The following AAGAB variants were observed in gnomAD, a reference collection of about 807,000 sequenced individuals.
AAGAB encodes alpha- and gamma-adaptin-binding protein p34.
In AAGAB, 38 loss-of-function variants were observed where a neutral mutation model predicts 44.1. That is an observed-to-expected ratio of 0.86 (90% CI 0.67 to 1.13). The LOEUF (loss-of-function observed/expected upper bound fraction) is 1.13. Among genes scored for constraint, AAGAB ranks in the 50% most tolerant of loss-of-function variants. The probability of loss-of-function intolerance (pLI) is 0.00; values close to 1 mark genes in which losing one functional copy is unlikely to be tolerated. For missense variants in AAGAB, 450 were observed against 373.8 expected (o/e 1.20, Z -1.68); for synonymous variants, 131 against 131.8 (o/e 0.99, Z 0.04).
At chr15:67,231,029 T>C (rs1215034440) in intron 5 of AAGAB, among the ~76,000 whole-genome samples, 1 of 152,174 alleles carries the variant, frequency 6.6e-6, no homozygotes, top group Non-Finnish European at 1.5e-5. Flanking sequence ...ATTCTCTTAG[T>C]GACCCTAGAA....
At position 67,245,903 on chromosome 15, in the gene AAGAB, T is replaced by A. The variant is rs544400274; in HGVS notation, c.73+8656A>T. Among the ~76,000 whole-genome samples, 4 of 152,324 alleles carry A rather than the reference T, an allele frequency of 2.6e-5. No individual in the cohort carries two copies. In the East Asian group the frequency reaches 7.7e-4, roughly 29 times the overall value. ...GAACAGCCACCCTGTTACATCAAGATCACAGTGTTGTTTATTACCAAATGA... is the reference window on the plus strand; with the variant it reads ...GAACAGCCACCCTGTTACATCAAGAACACAGTGTTGTTTATTACCAAATGA... On this transcript the variant is annotated intron_variant, in intron 1 of 9. Coordinates refer to ENST00000261880, the MANE Select transcript of AAGAB (RefSeq NM_024666.5).
chr15:67,210,845 A>G (rs1461416251), intron 5 of AAGAB, among the ~76,000 whole-genome samples: 4 of 152,250 alleles, frequency 2.6e-5, no homozygotes, highest in African/African-American at 9.6e-5. Flanking sequence ...ACACTGCCTT[A>G]GAGTAGAACA....
intron 5 of AAGAB, among the ~76,000 whole-genome samples, chr15:67,221,766 C>T (rs1353792956): frequency 6.6e-6 from 1 of 152,182 alleles, no homozygotes; most frequent in Admixed American, 6.5e-5. Flanking sequence ...CTGATATTCT[C>T]ACACAAACTA....
chr15:67,231,564 G>C (rs778357605), intron 5 of AAGAB, among the ~76,000 whole-genome samples: 2 of 152,120 alleles, frequency 1.3e-5, no homozygotes, highest in Non-Finnish European at 2.9e-5. Context: ...TAATTTTGGA[G>C]GTACTTCTCA....
At chr15:67,251,949 T>A (rs1964882388) in intron 1 of AAGAB, among the ~76,000 whole-genome samples, 1 of 152,252 alleles carries the variant, frequency 6.6e-6, no homozygotes, top group Non-Finnish European at 1.5e-5. Context: ...TATGGTTCAC[T>A]TTTCCTTATT....
intron 1 of AAGAB, among the ~76,000 whole-genome samples, chr15:67,243,634 A>T (rs774547467): frequency 4.6e-5 from 7 of 152,184 alleles, no homozygotes; most frequent in Non-Finnish European, 7.3e-5. Flanking sequence ...GGGCCAAAAG[A>T]TCAACAGTGC....
chr15:67,252,719 G>A (rs191255688), intron 1 of AAGAB, among the ~76,000 whole-genome samples: 78 of 152,280 alleles, frequency 5.1e-4, no homozygotes, highest in Admixed American at 4.3e-3. Flanking sequence ...ACTGCTTAAA[G>A]GTAAGAAAAT....
At chr15:67,209,653 A>T in intron 5 of AAGAB, 109 bp from the exon 6 acceptor site, 1 of 837,312 alleles carries the variant, frequency 1.2e-6, no homozygotes, top group Admixed American at 2.1e-5. Context: ...AGTTCTAACT[A>T]CATATATATA....
intron 3 of AAGAB, among the ~76,000 whole-genome samples, 161 bp downstream of exon 3, chr15:67,236,247 A>G (rs920308033): frequency 2.0e-5 from 3 of 152,048 alleles, no homozygotes; most frequent in Non-Finnish European, 2.9e-5. Flanking sequence ...TTAAAAAAAA[A>G]GTAAGTATTA....
chr15:67,230,783 A>G (rs562674360), intron 5 of AAGAB, among the ~76,000 whole-genome samples: 1 of 152,168 alleles, frequency 6.6e-6, no homozygotes, highest in South Asian at 2.1e-4. Context: ...CTGCCACTAC[A>G]TTACCCCGGG....
intron 1 of AAGAB, among the ~76,000 whole-genome samples, chr15:67,243,268 G>A (rs1287666716): frequency 6.6e-6 from 1 of 152,010 alleles, no homozygotes; most frequent in Non-Finnish European, 1.5e-5. Flanking sequence ...TATGGAGAAG[G>A]GTTTTATAAA....
At chr15:67,203,649 G>A in intron 8 of AAGAB, 52 bp from the exon 9 acceptor site, 4 of 1,478,140 alleles carry the variant, frequency 2.7e-6, no homozygotes, top group Non-Finnish European at 3.8e-6. Context: ...AGGATAACCT[G>A]GAGTATATGA....
intron 1 of AAGAB, 32 bp downstream of exon 1, chr15:67,254,527 T>C (rs1411818631): frequency 1.3e-6 from 2 of 1,581,900 alleles, no homozygotes; most frequent in Non-Finnish European, 1.7e-6. Flanking sequence ...CTCAGGGGCC[T>C]TGGAGGTCGG....
At chr15:67,252,366 C>A (rs1052891475) in intron 1 of AAGAB, among the ~76,000 whole-genome samples, 1 of 152,078 alleles carries the variant, frequency 6.6e-6, no homozygotes, top group African/African-American at 2.4e-5. Flanking sequence ...GAATCTTGAG[C>A]AAATTCTGGT....
chr15:67,209,483 T>C lies in AAGAB; in HGVS notation c.597A>G (p.Ser199=). 1 of 1,614,188 alleles carries C rather than the reference T, an allele frequency of 6.2e-7. No individual in the cohort carries two copies. The highest frequency in any genetic ancestry group is 8.5e-7 in the Non-Finnish European group (1 of 1,180,008). ...TTACCTCTGGGTGACAGGGATCTGC[T>C]GACCCAATGCTATGGTTTGTTCCAG... ...SLTGTNHSIG[S]ADPCHPEQPH... The change falls in exon 6 of 10, where the codon TCA becomes TCG. Residue 199 remains serine (S), a synonymous_variant. Transcript: ENST00000261880.
At chr15:67,246,471 T>G (rs1490413695) in intron 1 of AAGAB, among the ~76,000 whole-genome samples, 1 of 151,922 alleles carries the variant, frequency 6.6e-6, no homozygotes, top group African/African-American at 2.4e-5. Flanking sequence ...GACTCCTGAA[T>G]AAGAATTATT....
Position 67,238,908 on chromosome 15 carries a change from G to T in AAGAB, c.74-2088C>A, listed in dbSNP as rs532179937. Among the ~76,000 whole-genome samples, 3 of 152,224 alleles carry T rather than the reference G, an allele frequency of 2.0e-5. No homozygotes were observed. In the East Asian group the frequency reaches 5.8e-4, roughly 29 times the overall value. The stretch of plus-strand genomic sequence containing the variant: ...GACAGGGTTTCACCATGTTAGCCAG[G>T]ATGGTCTCGATCTCCTGACCTCGTG... On this transcript the variant is annotated intron_variant, in intron 1 of 9. Transcript: ENST00000261880.
chr15:67,217,740 G>A (rs1963983290), intron 5 of AAGAB, among the ~76,000 whole-genome samples: 1 of 152,150 alleles, frequency 6.6e-6, no homozygotes, highest in Non-Finnish European at 1.5e-5. Context: ...GTTTCACCAT[G>A]TTGGCCAGGC....
At chr15:67,236,245 A>G (rs1555419522) in intron 3 of AAGAB, among the ~76,000 whole-genome samples, 163 bp downstream of exon 3, 1 of 152,258 alleles carries the variant, frequency 6.6e-6, no homozygotes, top group Non-Finnish European at 1.5e-5. Context: ...TCTTAAAAAA[A>G]AAGTAAGTAT....
Sources: allele counts gnomAD v4.1 joint callset (sites outside exome capture counted in the v4.1 genomes callset), GRCh38; gene constraint gnomAD v4.1.1; transcripts MANE v1.5; gene names NCBI Gene and HGNC (gene_info 2026-07-23, HGNC 2026-07-21).